Variants in MSRA observed in about 807,000 individuals in gnomAD.
MSRA encodes the protein methionine sulfoxide reductase A, also known as mitochondrial peptide methionine sulfoxide reductase.
Under a neutral mutation model 31.3 loss-of-function variants are expected in MSRA, and 54 were observed. The ratio of observed to expected loss-of-function variants is 1.73; its 90% CI spans 1.39 to 2.17. MSRA has a LOEUF of 2.17. Ranked by LOEUF, MSRA falls within the 30% of genes most tolerant of loss-of-function variation. The probability of loss-of-function intolerance (pLI) is 0.00; values close to 1 mark genes in which losing one functional copy is unlikely to be tolerated. For synonymous variants in MSRA, 169 were observed against 116.5 expected (o/e 1.45, Z -2.90); for missense variants, 507 against 300.9 (o/e 1.69, Z -5.07).
chr8:10,284,271 C>T (rs749782057), intron 3 of MSRA, among the ~76,000 whole-genome samples: 9 of 152,140 alleles, frequency 5.9e-5, no homozygotes, highest in Admixed American at 1.3e-4. Flanking sequence ...TCACTGCAAC[C>T]TCCACCTCCC....
chr8:10,295,314 C>T (rs1047179805), intron 3 of MSRA, among the ~76,000 whole-genome samples: 7 of 152,138 alleles, frequency 4.6e-5, no homozygotes, highest in African/African-American at 1.4e-4. Context: ...GGGGGACCGT[C>T]GCACTGCGCT....
At chr8:10,189,066 A>G (rs1024955820) in intron 1 of MSRA, among the ~76,000 whole-genome samples, 5 of 152,178 alleles carry the variant, frequency 3.3e-5, no homozygotes, top group African/African-American at 1.2e-4. Flanking sequence ...TTTTCAGGGT[A>G]CAGACCTTAC....
At position 10,247,472 on chromosome 8, in the gene MSRA, T is replaced by G. The variant is rs187474180; in HGVS notation, c.331+2249T>G. Among the ~76,000 whole-genome samples, 5 of 152,328 alleles carry G rather than the reference T, an allele frequency of 3.3e-5. No homozygotes were observed. In the East Asian group the frequency reaches 9.6e-4, roughly 29 times the overall value. ...CCCTCTGGTATATTTTTAATTATAT[T>G]AGTGTGCTTTTAAATGATTAAGGAG... On this transcript the variant is annotated intron_variant, in intron 3 of 5. Transcript: ENST00000317173.
At chr8:10,296,906 G>T (rs1325273960) in intron 3 of MSRA, among the ~76,000 whole-genome samples, 1 of 152,174 alleles carries the variant, frequency 6.6e-6, no homozygotes, top group South Asian at 2.1e-4. Flanking sequence ...ACAGCTCACC[G>T]GCTCTCTCTT....
chr8:10,323,793 C>T (rs1044637640), intron 5 of MSRA, among the ~76,000 whole-genome samples: 175 of 96,596 alleles, frequency 1.8e-3, no homozygotes, highest in Admixed American at 4.4e-3. Context: ...TGTCTGTCTG[C>T]ATGTCTGCAT....
chr8:10,116,937 G>C (rs1353926917), intron 1 of MSRA, among the ~76,000 whole-genome samples: 1 of 152,186 alleles, frequency 6.6e-6, no homozygotes, highest in Non-Finnish European at 1.5e-5. Context: ...TTGCACTCTA[G>C]CCTGGGCAAC....
chr8:10,266,667 A>G (rs1383474221), intron 3 of MSRA, among the ~76,000 whole-genome samples: 1 of 152,132 alleles, frequency 6.6e-6, no homozygotes, highest in Non-Finnish European at 1.5e-5. Context: ...TCTAACACAA[A>G]TATTTTCTCT....
chr8:10,389,073 T>A (rs1385936010), intron 5 of MSRA, among the ~76,000 whole-genome samples: 1 of 152,088 alleles, frequency 6.6e-6, no homozygotes, highest in Admixed American at 6.6e-5. Flanking sequence ...CTGCTCAAGG[T>A]CATCACCAAG....
At chr8:10,167,787 A>G (rs998708540) in intron 1 of MSRA, among the ~76,000 whole-genome samples, 8 of 152,300 alleles carry the variant, frequency 5.3e-5, no homozygotes, top group Admixed American at 4.6e-4. Flanking sequence ...ACTTTCTCTC[A>G]TAGTGAGATG....
At chr8:10,380,717 AGACTG>A (rs1806016182) in intron 5 of MSRA, among the ~76,000 whole-genome samples, 2 of 152,218 alleles carry the variant, frequency 1.3e-5, no homozygotes, top group Non-Finnish European at 2.9e-5. Context: ...GATGGATAGA[AGACTG>A]GAGAGATGGA....
chr8:10,122,903 A>G (rs1443040217), intron 1 of MSRA, among the ~76,000 whole-genome samples: 3 of 152,200 alleles, frequency 2.0e-5, no homozygotes, highest in Non-Finnish European at 4.4e-5. Flanking sequence ...TCCATGGTGT[A>G]TATGTACCAC....
chr8:10,324,672 G>C (rs2129140586), intron 5 of MSRA, among the ~76,000 whole-genome samples: 1 of 152,328 alleles, frequency 6.6e-6, no homozygotes, highest in East Asian at 1.9e-4. Context: ...ACAGAAAGCA[G>C]AGCCCAAGCC....
At chr8:10,082,794 C>A (rs942440897) in intron 1 of MSRA, among the ~76,000 whole-genome samples, 3 of 152,170 alleles carry the variant, frequency 2.0e-5, no homozygotes, top group African/African-American at 7.2e-5. Context: ...ACCCGCTCCT[C>A]GTGTGAAGGG....
chr8:10,287,652 A>G (rs1800007973), intron 3 of MSRA, among the ~76,000 whole-genome samples: 1 of 152,182 alleles, frequency 6.6e-6, no homozygotes, highest in Admixed American at 6.5e-5. Context: ...ATTTTTGCTC[A>G]GGGCTTTGTT....
At chr8:10,162,474 T>A (rs1337430022) in intron 1 of MSRA, among the ~76,000 whole-genome samples, 1 of 152,034 alleles carries the variant, frequency 6.6e-6, no homozygotes, top group East Asian at 1.9e-4. Flanking sequence ...TCAAAGCCTT[T>A]GATTTCTGGG....
intron 5 of MSRA, among the ~76,000 whole-genome samples, chr8:10,374,377 G>C (rs1208971135): frequency 6.6e-6 from 1 of 152,176 alleles, no homozygotes; most frequent in Non-Finnish European, 1.5e-5. Context: ...CTGTACGGGA[G>C]AGGTGATAAG....
chr8:10,130,328 C>T (rs1262103519), intron 1 of MSRA, among the ~76,000 whole-genome samples: 1 of 152,098 alleles, frequency 6.6e-6, no homozygotes, highest in Non-Finnish European at 1.5e-5. Context: ...CTTTAACTTC[C>T]CTGTGCCCCG....
intron 1 of MSRA, among the ~76,000 whole-genome samples, chr8:10,188,586 G>A (rs1455118970): frequency 6.6e-6 from 1 of 152,218 alleles, no homozygotes; most frequent in Non-Finnish European, 1.5e-5. Flanking sequence ...TGTCGTATAA[G>A]GTTTGACGTA....
chr8:10,203,469 C>G (rs1330623749), intron 1 of MSRA, among the ~76,000 whole-genome samples: 3 of 152,114 alleles, frequency 2.0e-5, no homozygotes, highest in African/African-American at 7.2e-5. Flanking sequence ...TGATGGTGGT[C>G]CCTTAAGATT....
Sources: allele counts gnomAD v4.1 joint callset (sites outside exome capture counted in the v4.1 genomes callset), GRCh38; gene constraint gnomAD v4.1.1; transcripts MANE v1.5; gene names NCBI Gene and HGNC (gene_info 2026-07-23, HGNC 2026-07-21).